The following GML variants were observed in gnomAD, a reference collection of about 807,000 sequenced individuals.
GML encodes glycosyl-phosphatidylinositol-anchored molecule-like protein.
GML carries 5 observed loss-of-function variants against 8.2 expected under a neutral mutation model. The ratio of observed to expected loss-of-function variants is 0.61; its 90% CI spans 0.32 to 1.28. GML has a LOEUF of 1.28. Ranked by LOEUF, GML falls within the 50% of genes most tolerant of loss-of-function variation. The pLI, the probability that GML is intolerant of heterozygous loss-of-function variation, is 0.06. For missense variants in GML, 191 were observed against 198.3 expected (o/e 0.96, Z 0.22); for synonymous variants, 72 against 69.0 (o/e 1.04, Z -0.22).
At chr8:142,842,882 T>C (rs951479705) in intron 3 of GML, among the ~76,000 whole-genome samples, 4 of 152,250 alleles carry the variant, frequency 2.6e-5, no homozygotes, top group African/African-American at 4.8e-5. Flanking sequence ...GACCTAGCTC[T>C]GGACTGTTGT....
At chr8:142,842,304 G>T (rs147635735) in intron 3 of GML, among the ~76,000 whole-genome samples, 1 of 152,118 alleles carries the variant, frequency 6.6e-6, no homozygotes, top group Non-Finnish European at 1.5e-5. Context: ...GCCCAGTCTC[G>T]GGCAGTTCTT....
chr8:142,836,413 T>A (rs998144737), intron 1 of GML, among the ~76,000 whole-genome samples: 3 of 152,250 alleles, frequency 2.0e-5, no homozygotes, highest in African/African-American at 7.2e-5. Flanking sequence ...TTCTGCCTCT[T>A]ACACATCCTG....
intron 3 of GML, among the ~76,000 whole-genome samples, chr8:142,844,959 C>T (rs1478197287): frequency 6.6e-6 from 1 of 152,192 alleles, no homozygotes; most frequent in Non-Finnish European, 1.5e-5. Context: ...TATACAGGCT[C>T]ACCTTAAGGC....
rs534473181 is a variant in GML, at chr8:142,835,109, A to G, written c.-23+241A>G. Among the ~76,000 whole-genome samples, 215 of 150,888 alleles carry G rather than the reference A, an allele frequency of 1.4e-3. 3 individuals carry two copies. The highest frequency in any genetic ancestry group is 1.3e-3 in the Non-Finnish European group (85 of 67,634). Reference sequence around the variant, plus strand: ...CTCCACTCCCCGCAGGTTCCTGGGGAGACGCCCCCTGCTCCATTCCCCTCA... The same window carrying G: ...CTCCACTCCCCGCAGGTTCCTGGGGGGACGCCCCCTGCTCCATTCCCCTCA... On this transcript the variant is annotated intron_variant, in intron 1 of 3. Transcript: ENST00000220940.
intron 3 of GML, among the ~76,000 whole-genome samples, chr8:142,841,899 C>T (rs897321997): frequency 2.0e-5 from 3 of 152,150 alleles, no homozygotes; most frequent in Non-Finnish European, 4.4e-5. Flanking sequence ...CCCTTTTGTC[C>T]CCGGTGTCTG....
intron 1 of GML, among the ~76,000 whole-genome samples, chr8:142,839,662 G>T (rs1404637816): frequency 6.6e-6 from 1 of 152,208 alleles, no homozygotes; most frequent in Non-Finnish European, 1.5e-5. Flanking sequence ...GGCTGCTGAA[G>T]GGGGGTAGGG....
At chr8:142,837,235 AG>A (rs1299907691) in intron 1 of GML, among the ~76,000 whole-genome samples, 2 of 152,122 alleles carry the variant, frequency 1.3e-5, no homozygotes, top group African/African-American at 4.8e-5. Context: ...TGGAGGTTGT[AG>A]TGAGCCGAGA....
intron 1 of GML, among the ~76,000 whole-genome samples, chr8:142,836,259 C>G (rs1407079023): frequency 6.6e-6 from 1 of 151,832 alleles, no homozygotes; most frequent in African/African-American, 2.4e-5. Flanking sequence ...GGGGTCTGCC[C>G]TGCTCAAGGC....
chr8:142,835,116 C>G (rs1296226958), intron 1 of GML, among the ~76,000 whole-genome samples: 7 of 151,704 alleles, frequency 4.6e-5, no homozygotes, highest in Non-Finnish European at 8.8e-5. Flanking sequence ...GGGAGACGCC[C>G]CCTGCTCCAT....
chr8:142,835,112 C>T (rs1159316317), intron 1 of GML, among the ~76,000 whole-genome samples: 4 of 151,798 alleles, frequency 2.6e-5, no homozygotes, highest in African/African-American at 4.8e-5. Flanking sequence ...CCTGGGGAGA[C>T]GCCCCCTGCT....
At chr8:142,839,063 G>T (rs1816386072) in intron 1 of GML, among the ~76,000 whole-genome samples, 1 of 152,230 alleles carries the variant, frequency 6.6e-6, no homozygotes, top group South Asian at 2.1e-4. Context: ...TACATGCTCT[G>T]GGTCAGTAGG....
chr8:142,841,130 T>G lies in GML; in HGVS notation c.86T>G (p.Leu29Trp), dbSNP rs543036255. 2.1e-4 allele frequency: 326 copies of G among 1,530,610 alleles called. 1 individual carries two copies. The highest frequency in any genetic ancestry group is 2.6e-4 in the Non-Finnish European group (290 of 1,104,006). 94.8% of individuals were successfully genotyped at this position (1,530,610 alleles called of 1,614,324 possible). ...TCTCCCCTCTCAGGGACTTACAGTT[T>G]GAGATGCCATGACTGTGCGGTCATA... ...ATMRAQWTYS[L>W]RCHDCAVIND... The change falls in exon 3 of 4, where the codon TTG becomes TGG. Residue 29 changes from leucine (L) to tryptophan (W), a missense_variant. Coordinates refer to ENST00000220940, the MANE Select transcript of GML (RefSeq NM_002066.3).
rs186410538 is a variant in GML, at chr8:142,838,708, T to C, written c.-22-1708T>C. On this transcript the variant is annotated intron_variant, in intron 1 of 3. Transcript: ENST00000220940. ...GCCCACTCTGCTTCTCTGACACCTT[T>C]AGTCTTGAGGATCCATGCTCTGTGA... 6.9e-3 allele frequency among the ~76,000 whole-genome samples: 1,053 copies of C among 152,278 alleles called. 15 individuals carry two copies. Among genetic ancestry groups the C allele is most frequent in the African/African-American group, 0.025 (1,023 of 41,560 alleles).
At chr8:142,837,727 C>G (rs1034305960) in intron 1 of GML, among the ~76,000 whole-genome samples, 3 of 145,494 alleles carry the variant, frequency 2.1e-5, no homozygotes, top group African/African-American at 7.7e-5. Context: ...CCTGTTCCAT[C>G]GGGGCCACTG....
At chr8:142,843,583 A>C (rs1177697417) in intron 3 of GML, among the ~76,000 whole-genome samples, 1 of 152,248 alleles carries the variant, frequency 6.6e-6, no homozygotes, top group Non-Finnish European at 1.5e-5. Context: ...ACTGCTTACT[A>C]TTCATCAGAG....
chr8:142,845,063 T>G (rs1816485950), intron 3 of GML, among the ~76,000 whole-genome samples: 1 of 152,230 alleles, frequency 6.6e-6, no homozygotes, highest in Non-Finnish European at 1.5e-5. Flanking sequence ...TTGTGGTATG[T>G]TCACCAATGT....
chr8:142,840,197 C>T (rs966259759), intron 1 of GML, among the ~76,000 whole-genome samples: 1 of 152,186 alleles, frequency 6.6e-6, no homozygotes, highest in Non-Finnish European at 1.5e-5. Context: ...GGAGTGACAG[C>T]GAGTTTGTCT....
intron 3 of GML, among the ~76,000 whole-genome samples, chr8:142,843,147 C>T (rs1816458315): frequency 6.6e-6 from 1 of 152,056 alleles, no homozygotes; most frequent in Admixed American, 6.5e-5. Context: ...GAAAGAAACG[C>T]AGGCAGTGTC....
At chr8:142,836,118 C>T (rs576250345) in intron 1 of GML, among the ~76,000 whole-genome samples, 1 of 152,312 alleles carries the variant, frequency 6.6e-6, no homozygotes, top group African/African-American at 2.4e-5. Context: ...GCTGTTCTAG[C>T]AAATTATCTA....
Sources: allele counts gnomAD v4.1 joint callset (sites outside exome capture counted in the v4.1 genomes callset), GRCh38; gene constraint gnomAD v4.1.1; transcripts MANE v1.5; gene names NCBI Gene and HGNC (gene_info 2026-07-23, HGNC 2026-07-21).